The following MGMT variants were observed in gnomAD, a reference collection of about 807,000 sequenced individuals.
MGMT encodes the protein O-6-methylguanine-DNA methyltransferase, also known as methylated-DNA--protein-cysteine methyltransferase.
MGMT carries 14 observed loss-of-function variants against 15.9 expected under a neutral mutation model. The observed-to-expected ratio is 0.88, with a 90% CI of 0.58 to 1.37. The LOEUF is 1.37. Ranked by LOEUF, MGMT falls within the 40% of genes most tolerant of loss-of-function variation. The pLI is 0.00. For synonymous variants in MGMT, 130 were observed against 118.2 expected, an observed-to-expected ratio of 1.10 and a Z score of -0.65; for missense variants, 282 against 268.1, an observed-to-expected ratio of 1.05 and a Z score of -0.36.
At chr10:129,686,129 G>A (rs1004952581) in intron 2 of MGMT, among the ~76,000 whole-genome samples, 3 of 152,036 alleles carry the variant, frequency 2.0e-5, no homozygotes, top group African/African-American at 7.2e-5. Context: ...GCAGCTCTTC[G>A]GAGTTAATGT....
At chr10:129,570,024 T>C (rs1252213666) in intron 2 of MGMT, among the ~76,000 whole-genome samples, 1 of 152,232 alleles carries the variant, frequency 6.6e-6, no homozygotes, top group Non-Finnish European at 1.5e-5. Context: ...AGTACATCTT[T>C]TGTCTGTGCG....
intron 2 of MGMT, among the ~76,000 whole-genome samples, chr10:129,603,499 G>A (rs1048873979): frequency 6.6e-6 from 1 of 152,186 alleles, no homozygotes; most frequent in Non-Finnish European, 1.5e-5. Flanking sequence ...CAACAACATT[G>A]CTGTCTTTTT....
At chr10:129,555,138 G>T (rs559472911) in intron 2 of MGMT, among the ~76,000 whole-genome samples, 1 of 152,164 alleles carries the variant, frequency 6.6e-6, no homozygotes, top group African/African-American at 2.4e-5. Context: ...TCGCCCCTGC[G>T]TGCTCAGCAG....
chr10:129,489,524 A>T (rs1327831536), intron 1 of MGMT, among the ~76,000 whole-genome samples: 1 of 152,010 alleles, frequency 6.6e-6, no homozygotes, highest in East Asian at 1.9e-4. Context: ...TGGTATTTTG[A>T]TTGACGTCCT....
At chr10:129,740,461 G>A (rs1432697989) in intron 3 of MGMT, among the ~76,000 whole-genome samples, 2 of 152,194 alleles carry the variant, frequency 1.3e-5, no homozygotes, top group East Asian at 1.9e-4. Context: ...TACGAAGGGG[G>A]ACGGGAGAGT....
rs750932227 is a variant in MGMT, at chr10:129,467,254, C to T, written c.-55C>T. ...CCGCGCCCCTAGAACGCTTTGCGTCCCGACGCCCGCAGGTCCTCGCGGTGC... is the reference window on the plus strand; with the variant it reads ...CCGCGCCCCTAGAACGCTTTGCGTCTCGACGCCCGCAGGTCCTCGCGGTGC... On this transcript the variant is annotated 5_prime_UTR_variant, in exon 1 of 5. Coordinates refer to ENST00000651593, the MANE Select transcript of MGMT (RefSeq NM_002412.5). 19 of 1,544,456 alleles carry T rather than the reference C, an allele frequency of 1.2e-5. No individual in the cohort carries two copies. Among genetic ancestry groups the T allele is most frequent in the Admixed American group, 2.0e-5 (1 of 50,348 alleles).
chr10:129,526,613 G>A (rs1845873519), intron 1 of MGMT, among the ~76,000 whole-genome samples: 1 of 152,150 alleles, frequency 6.6e-6, no homozygotes. Flanking sequence ...TCCCACCTCC[G>A]CCTCTGGATA....
intron 2 of MGMT, among the ~76,000 whole-genome samples, chr10:129,635,816 T>C (rs1847258946): frequency 6.6e-6 from 1 of 152,144 alleles, no homozygotes; most frequent in South Asian, 2.1e-4. Context: ...CTGAGGACCC[T>C]CTTACAAGCT....
intron 2 of MGMT, among the ~76,000 whole-genome samples, chr10:129,706,800 C>T (rs1236841342): frequency 6.6e-6 from 1 of 152,172 alleles, no homozygotes; most frequent in Non-Finnish European, 1.5e-5. Flanking sequence ...AACACAGCCC[C>T]AGAAAATCCA....
In MGMT at chr10:129,769,857, A is replaced by G. The variant is rs928762009; in HGVS notation, c.*2860A>G. 6.6e-6 allele frequency among the ~76,000 whole-genome samples: 1 copy of G among 152,230 alleles called. No homozygotes were observed. The highest frequency in any genetic ancestry group is 1.9e-4 in the East Asian group (1 of 5,194). ...TTATGGTGTTGGCTGATGCGGAATC[A>G]GGAAGCTTGGAGGAGCTCTTGCATG... is the stretch of plus-strand genomic sequence containing the variant. On this transcript the variant is annotated 3_prime_UTR_variant, in exon 5 of 5. Transcript: ENST00000651593.
At chr10:129,616,281 G>T (rs1847025278) in intron 2 of MGMT, among the ~76,000 whole-genome samples, 1 of 152,224 alleles carries the variant, frequency 6.6e-6, no homozygotes, top group South Asian at 2.1e-4. Context: ...AGGCTCAGGG[G>T]AGCTGCGATG....
chr10:129,494,110 C>T (rs563224101), intron 1 of MGMT, among the ~76,000 whole-genome samples: 7 of 152,240 alleles, frequency 4.6e-5, no homozygotes, highest in African/African-American at 1.4e-4. Flanking sequence ...ATTTTGTGCA[C>T]AAAGATGTTT....
intron 2 of MGMT, 163 bp downstream of exon 2, chr10:129,536,540 C>T (rs1326872893): frequency 2.7e-5 from 22 of 816,194 alleles, no homozygotes; most frequent in Non-Finnish European, 1.3e-5. Context: ...TGCGACGGCT[C>T]CTGCATTTGC....
At chr10:129,688,560 G>C (rs187314375) in intron 2 of MGMT, among the ~76,000 whole-genome samples, 2 of 152,072 alleles carry the variant, frequency 1.3e-5, no homozygotes, top group African/African-American at 4.8e-5. Context: ...TCTTGTAAAT[G>C]TGTTTAAATT....
chr10:129,622,513 T>G (rs943481715), intron 2 of MGMT, among the ~76,000 whole-genome samples: 2 of 152,256 alleles, frequency 1.3e-5, no homozygotes, highest in African/African-American at 4.8e-5. Flanking sequence ...CTCTTTGAAT[T>G]CAGTATGACT....
chr10:129,744,671 G>A (rs1192797986), intron 3 of MGMT, among the ~76,000 whole-genome samples: 1 of 152,188 alleles, frequency 6.6e-6, no homozygotes, highest in Non-Finnish European at 1.5e-5. Flanking sequence ...CAGCCAGTGG[G>A]GCTGCAGGCA....
chr10:129,578,295 A>C (rs1462238172), intron 2 of MGMT, among the ~76,000 whole-genome samples: 6 of 152,228 alleles, frequency 3.9e-5, no homozygotes, highest in Non-Finnish European at 4.4e-5. Context: ...AATGTCCAAC[A>C]ATGATAGACT....
chr10:129,632,552 C>A (rs1474475891), intron 2 of MGMT, among the ~76,000 whole-genome samples: 1 of 152,198 alleles, frequency 6.6e-6, no homozygotes, highest in Non-Finnish European at 1.5e-5. Flanking sequence ...AATAGTGATT[C>A]CTTCATTTAT....
At chr10:129,718,159 G>A (rs1848321423) in intron 3 of MGMT, among the ~76,000 whole-genome samples, 1 of 152,230 alleles carries the variant, frequency 6.6e-6, no homozygotes, top group African/African-American at 2.4e-5. Context: ...TAATGCCCTA[G>A]AAGATGAATA....
Sources: gnomAD v4.1 joint callset for allele counts (sites outside exome capture counted in the v4.1 genomes callset) on GRCh38, gnomAD v4.1.1 for gene constraint, MANE v1.5 for transcripts, NCBI Gene and HGNC (gene_info 2026-07-23, HGNC 2026-07-21) for gene names.